GPC5: variants seen among roughly 807,000 people sequenced by gnomAD.
The protein encoded by GPC5 is glypican-5.
Under a neutral mutation model 53.9 loss-of-function variants are expected in GPC5, and 47 were observed. The observed-to-expected ratio is 0.87, with a 90% CI of 0.69 to 1.11. The LOEUF (loss-of-function observed/expected upper bound fraction) is 1.11, where lower values mean the gene tolerates loss of function less well. GPC5 is among the 50% of genes most tolerant of loss of function. The probability of loss-of-function intolerance (pLI) is 0.00; values close to 1 mark genes in which losing one functional copy is unlikely to be tolerated. For synonymous variants in GPC5, 286 were observed against 263.3 expected, an observed-to-expected ratio of 1.09 and a Z score of -0.84; for missense variants, 748 against 713.1, an observed-to-expected ratio of 1.05 and a Z score of -0.56.
In GPC5 at chr13:91,693,338, T is replaced by C; in HGVS notation, c.477T>C (p.Pro159=). 2 of 1,614,176 alleles carry C rather than the reference T, an allele frequency of 1.2e-6. No individual in the cohort carries two copies. The highest frequency in any genetic ancestry group is 1.7e-6 in the Non-Finnish European group (2 of 1,180,020). ...GLYLFGADVN[P]EEFVNRFFDS... ...ATTTATTTGGTGCGGATGTTAATCCTGAAGAATTTGTAAACAGATTTTTTG... is the reference window on the plus strand; with the variant it reads ...ATTTATTTGGTGCGGATGTTAATCCCGAAGAATTTGTAAACAGATTTTTTG... Residue 159 remains proline (P), a synonymous_variant, in exon 3 of 8, where the codon CCT becomes CCC. Coordinates refer to ENST00000377067, the MANE Select transcript of GPC5 (RefSeq NM_004466.6).
At chr13:91,766,817 A>G (rs1453437783) in intron 5 of GPC5, among the ~76,000 whole-genome samples, 1 of 152,182 alleles carries the variant, frequency 6.6e-6, no homozygotes, top group African/African-American at 2.4e-5. Flanking sequence ...CCGAGACTGC[A>G]CCACTGCACT....
chr13:91,614,662 TA>T (rs2033647524), intron 2 of GPC5, among the ~76,000 whole-genome samples: 1 of 152,052 alleles, frequency 6.6e-6, no homozygotes, highest in Admixed American at 6.6e-5. Flanking sequence ...AAATAAATAT[TA>T]AGGGTAATTG....
chr13:92,758,803 C>G (rs1455632761), intron 7 of GPC5, among the ~76,000 whole-genome samples: 1 of 151,920 alleles, frequency 6.6e-6, no homozygotes, highest in East Asian at 1.9e-4. Context: ...AAATCATTGC[C>G]AAGACCAGTG....
At chr13:92,713,818 T>C (rs1009994803) in intron 7 of GPC5, among the ~76,000 whole-genome samples, 2 of 152,074 alleles carry the variant, frequency 1.3e-5, no homozygotes, top group African/African-American at 4.8e-5. Flanking sequence ...ACACAAAATA[T>C]TGACAGAGAA....
chr13:91,774,409 T>C (rs1300629536), intron 5 of GPC5, among the ~76,000 whole-genome samples: 1 of 152,180 alleles, frequency 6.6e-6, no homozygotes, highest in Non-Finnish European at 1.5e-5. Context: ...TGTGTGAGGC[T>C]CTGGGCTACC....
chr13:92,615,204 A>G (rs954723990), intron 7 of GPC5, among the ~76,000 whole-genome samples: 1 of 152,232 alleles, frequency 6.6e-6, no homozygotes, highest in South Asian at 2.1e-4. Flanking sequence ...TTCAAAGTCC[A>G]CTGCTTCCTT....
chr13:91,794,654 A>G (rs2038019847), intron 5 of GPC5, among the ~76,000 whole-genome samples: 1 of 152,250 alleles, frequency 6.6e-6, no homozygotes, highest in Non-Finnish European at 1.5e-5. Context: ...TAAAATAAAT[A>G]TTTAAACAGC....
At chr13:92,165,616 C>T (rs1034595496) in intron 7 of GPC5, among the ~76,000 whole-genome samples, 1 of 152,134 alleles carries the variant, frequency 6.6e-6, no homozygotes, top group Admixed American at 6.5e-5. Flanking sequence ...AGGAGAACCA[C>T]CCCCGTGATT....
rs1246083555 is a variant in GPC5, at chr13:92,144,810, C to G, written c.1402-20C>G. On this transcript the variant is annotated intron_variant, in intron 6 of 7. Coordinates refer to ENST00000377067, the MANE Select transcript of GPC5 (RefSeq NM_004466.6). ...ATTCAAATTTGCTATTAGTAAAGGC[C>G]TTTCTTTATGTACAATTAGTTGTTA... The G allele has an allele frequency of 1.9e-6, 3 of 1,600,384 alleles. No individual in the cohort carries two copies. The highest frequency in any genetic ancestry group is 2.7e-5 in the African/African-American group (2 of 73,538).
chr13:91,897,542 G>T (rs2039455981), intron 5 of GPC5, among the ~76,000 whole-genome samples: 1 of 151,998 alleles, frequency 6.6e-6, no homozygotes, highest in African/African-American at 2.4e-5. Context: ...TGTTGGATAG[G>T]CTCCCATCCC....
At chr13:91,939,092 G>A (rs895788417) in intron 6 of GPC5, among the ~76,000 whole-genome samples, 6 of 151,760 alleles carry the variant, frequency 4.0e-5, no homozygotes, top group Admixed American at 6.6e-5. Flanking sequence ...TGCCTTTCTC[G>A]TAGTGCTGAT....
intron 7 of GPC5, among the ~76,000 whole-genome samples, chr13:92,501,688 C>T (rs2138933738): frequency 6.6e-6 from 1 of 152,072 alleles, no homozygotes; most frequent in South Asian, 2.1e-4. Context: ...TTAAGAGCAT[C>T]CAGAGAAAAC....
chr13:91,524,043 C>T (rs1314814443), intron 2 of GPC5, among the ~76,000 whole-genome samples: 1 of 151,856 alleles, frequency 6.6e-6, no homozygotes, highest in Non-Finnish European at 1.5e-5. Context: ...AATATAAATA[C>T]ATTTTTAAAG....
At chr13:91,440,196 C>T (rs1326022399) in intron 1 of GPC5, among the ~76,000 whole-genome samples, 2 of 152,286 alleles carry the variant, frequency 1.3e-5, no homozygotes, top group African/African-American at 4.8e-5. Flanking sequence ...TTTCTCTCTT[C>T]TTGCCTCTGG....
At chr13:92,344,251 G>A (rs1031763063) in intron 7 of GPC5, among the ~76,000 whole-genome samples, 1 of 152,010 alleles carries the variant, frequency 6.6e-6, no homozygotes, top group Non-Finnish European at 1.5e-5. Flanking sequence ...AGTAAAGAGG[G>A]GAAACCCCTT....
intron 4 of GPC5, among the ~76,000 whole-genome samples, chr13:91,731,886 A>G (rs1246011756): frequency 5.9e-5 from 9 of 152,172 alleles, no homozygotes; most frequent in Non-Finnish European, 1.2e-4. Context: ...GCTGCATAGT[A>G]TTCCATGGTG....
chr13:92,654,658 C>T (rs1886066318), intron 7 of GPC5, among the ~76,000 whole-genome samples: 1 of 151,404 alleles, frequency 6.6e-6, no homozygotes, highest in Non-Finnish European at 1.5e-5. Flanking sequence ...AATCGTTTGA[C>T]AAACATGATT....
rs79979458 is a variant in GPC5 at position 92,751,531 on chromosome 13, G to A, written c.1562-114751G>A. Among the ~76,000 whole-genome samples, 973 of 147,410 alleles carry A rather than the reference G, an allele frequency of 6.6e-3. 11 individuals carry two copies. Among genetic ancestry groups the A allele is most frequent in the African/African-American group, 0.023 (925 of 40,032 alleles). ...TGCACTTATACATCAAGTACCTTTCGGTAACACATGAGTCTTGGTCCTTCT... is the reference window on the plus strand; with the variant it reads ...TGCACTTATACATCAAGTACCTTTCAGTAACACATGAGTCTTGGTCCTTCT... On this transcript the variant is annotated intron_variant, in intron 7 of 7. Coordinates refer to ENST00000377067, the MANE Select transcript of GPC5 (RefSeq NM_004466.6).
intron 2 of GPC5, among the ~76,000 whole-genome samples, chr13:91,630,056 C>T (rs1373067965): frequency 6.6e-6 from 1 of 152,160 alleles, no homozygotes; most frequent in Non-Finnish European, 1.5e-5. Flanking sequence ...CTGATATACT[C>T]ATTCATGCTT....
Sources: gnomAD v4.1 joint callset for allele counts (sites outside exome capture counted in the v4.1 genomes callset) on GRCh38, gnomAD v4.1.1 for gene constraint, MANE v1.5 for transcripts, NCBI Gene and HGNC (gene_info 2026-07-23, HGNC 2026-07-21) for gene names.